The following MCC variants were observed in gnomAD, a reference collection of about 807,000 sequenced individuals.
MCC encodes the protein colorectal mutant cancer protein.
In MCC, 90 loss-of-function variants were observed where a neutral mutation model predicts 116.2. The ratio of observed to expected loss-of-function variants is 0.77; its 90% confidence interval spans 0.65 to 0.92. MCC has a LOEUF of 0.92. Among genes scored for constraint, MCC ranks in the 40% least tolerant of loss-of-function variants. The pLI, the probability that MCC is intolerant of heterozygous loss-of-function variation, is 0.00. For synonymous variants in MCC, 578 were observed against 510.5 expected (o/e 1.13, Z -1.78); for missense variants, 1,516 against 1,312.2 (o/e 1.16, Z -2.40).
intron 3 of MCC, among the ~76,000 whole-genome samples, chr5:113,175,192 G>C (rs2150305769): frequency 6.6e-6 from 1 of 152,238 alleles, no homozygotes; most frequent in Middle Eastern, 3.4e-3. Context: ...AAAATAAATA[G>C]ACATGTCAAT....
intron 1 of MCC, among the ~76,000 whole-genome samples, chr5:113,424,190 A>G (rs1035583984): frequency 1.7e-5 from 2 of 118,388 alleles, no homozygotes; most frequent in African/African-American, 6.4e-5. Context: ...CACACATTCT[A>G]ATCAGCTTTG....
chr5:113,266,429 C>T (rs894157344), intron 3 of MCC, among the ~76,000 whole-genome samples: 10 of 152,222 alleles, frequency 6.6e-5, no homozygotes, highest in African/African-American at 1.9e-4. Flanking sequence ...CAGCCAGAGT[C>T]AGTCCTTGGG....
intron 3 of MCC, among the ~76,000 whole-genome samples, chr5:113,309,510 G>C (rs936897438): frequency 6.6e-6 from 1 of 152,156 alleles, no homozygotes; most frequent in African/African-American, 2.4e-5. Flanking sequence ...ATAGACTCCA[G>C]TTCCATCCAA....
chr5:113,092,439 C>T (rs1381330043), intron 8 of MCC, among the ~76,000 whole-genome samples: 1 of 152,158 alleles, frequency 6.6e-6, no homozygotes, highest in African/African-American at 2.4e-5. Context: ...GAATGAGATG[C>T]ATTTTGGACT....
intron 9 of MCC, among the ~76,000 whole-genome samples, chr5:113,084,417 T>G (rs1218294678): frequency 6.6e-6 from 1 of 152,252 alleles, no homozygotes; most frequent in African/African-American, 2.4e-5. Context: ...GGGTCTGTCC[T>G]GTGCATTGTA....
intron 3 of MCC, among the ~76,000 whole-genome samples, chr5:113,298,823 T>C (rs1030641372): frequency 6.6e-6 from 1 of 152,270 alleles, no homozygotes; most frequent in African/African-American, 2.4e-5. Context: ...ACTTCCTCTT[T>C]GTAATTGTGA....
chr5:113,029,489 C>T (rs1306250221), intron 17 of MCC, among the ~76,000 whole-genome samples: 6 of 151,848 alleles, frequency 4.0e-5, no homozygotes, highest in African/African-American at 1.2e-4. Context: ...TGAACAGGTC[C>T]CCACTCATTG....
At chr5:113,051,526 C>T (rs4705757) in intron 15 of MCC, among the ~76,000 whole-genome samples, 148,879 of 152,236 alleles carry the variant, frequency 0.98, 72,807 homozygotes, top group East Asian at 1. Context: ...TGAGACTGGC[C>T]TGGGCAACAA....
At chr5:113,176,131 TATA>T (rs1761319282) in intron 3 of MCC, among the ~76,000 whole-genome samples, 1 of 152,230 alleles carries the variant, frequency 6.6e-6, no homozygotes, top group South Asian at 2.1e-4. Context: ...AGGCATTTGT[TATA>T]ATGGGTAAAT....
chr5:113,437,085 A>C (rs1296337367), intron 1 of MCC: 2 of 107,968 alleles, frequency 1.9e-5, no homozygotes, highest in Non-Finnish European at 3.4e-5. Context: ...AAATCTCTTC[A>C]AAAAAAAAAA....
At chr5:113,416,104 C>A (rs991861449) in intron 1 of MCC, among the ~76,000 whole-genome samples, 3 of 152,228 alleles carry the variant, frequency 2.0e-5, no homozygotes, top group South Asian at 4.2e-4. Context: ...AGCAGAGGCT[C>A]AGTTGGAAAT....
At chr5:113,485,259 A>G (rs1366414649) in intron 1 of MCC, among the ~76,000 whole-genome samples, 1 of 152,104 alleles carries the variant, frequency 6.6e-6, no homozygotes. Flanking sequence ...ACTCCTGTTT[A>G]GAATGAGGGT....
chr5:113,186,551 C>A (rs1250240631), intron 3 of MCC, among the ~76,000 whole-genome samples: 3 of 152,156 alleles, frequency 2.0e-5, no homozygotes, highest in Non-Finnish European at 4.4e-5. Context: ...ATTTAACCTG[C>A]CCTGCCTGGC....
intron 3 of MCC, among the ~76,000 whole-genome samples, chr5:113,180,070 C>G (rs570302775): frequency 4.7e-4 from 72 of 152,298 alleles, no homozygotes; most frequent in African/African-American, 1.6e-3. Context: ...AGAATGAATA[C>G]AGTGGCCCGA....
rs1191091415 is a variant in MCC at position 113,101,898 on chromosome 5, G to A, written c.1239C>T (p.Asn413=). The A allele has an allele frequency of 8.7e-6, 14 of 1,613,788 alleles. No individual in the cohort carries two copies. Among genetic ancestry groups the A allele is most frequent in the Non-Finnish European group, 1.2e-5 (14 of 1,180,012 alleles). ...EGVLGRDLYP[N]LAEERSRWEK... ...CCCACCGAGACCTCTCTTCAGCCAG[G>A]TTGGGATACAGGTCCCGGCCAAGCA... is the stretch of plus-strand genomic sequence containing the variant. Residue 413 remains asparagine, a synonymous_variant, in exon 8 of 19, where the codon AAC becomes AAT. Coordinates refer to ENST00000408903, the MANE Select transcript of MCC (RefSeq NM_001085377.2).
intron 3 of MCC, among the ~76,000 whole-genome samples, chr5:113,153,310 G>C (rs1352732658): frequency 6.6e-6 from 1 of 152,162 alleles, no homozygotes; most frequent in Admixed American, 6.5e-5. Context: ...CTGCTTGAAG[G>C]GGTTGGGGGA....
intron 3 of MCC, among the ~76,000 whole-genome samples, chr5:113,221,476 A>G (rs1250418135): frequency 6.6e-6 from 1 of 152,208 alleles, no homozygotes; most frequent in Non-Finnish European, 1.5e-5. Flanking sequence ...TGGGGACTGG[A>G]CTGCCTTTGC....
intron 1 of MCC, among the ~76,000 whole-genome samples, chr5:113,388,004 C>A (rs759116216): frequency 6.6e-6 from 1 of 152,172 alleles, no homozygotes; most frequent in Non-Finnish European, 1.5e-5. Context: ...AGAGGCCCAC[C>A]CTTCCTCCCT....
Position 113,101,755 on chromosome 5 carries a change from T to A in MCC, c.1382A>T (p.Asp461Val). 6.2e-7 allele frequency: 1 copy of A among 1,613,260 alleles called. No homozygotes were observed. The highest frequency in any genetic ancestry group is 8.5e-7 in the Non-Finnish European group (1 of 1,180,008). The stretch of plus-strand genomic sequence containing the variant: ...CATGCTCACCCTCCTCCGGAGCCGG[T>A]CCCGCTCTTCCCGGATGGCATTCAT... The part of the protein sequence containing the change: ...ATMNAIREER[D>V]RLRRRVRELQ... Residue 461 changes from aspartate to valine, a missense_variant, in exon 8 of 19, where the codon GAC becomes GTC. By Grantham distance (152) the Asp-to-Val change is radical. Coordinates refer to ENST00000408903, the MANE Select transcript of MCC (RefSeq NM_001085377.2).
Sources: gnomAD v4.1 joint callset for allele counts (sites outside exome capture counted in the v4.1 genomes callset) on GRCh38, gnomAD v4.1.1 for gene constraint, MANE v1.5 for transcripts, NCBI Gene and HGNC (gene_info 2026-07-23, HGNC 2026-07-21) for gene names.